PCDHGA6: variants seen among roughly 807,000 people sequenced by gnomAD.
PCDHGA6 encodes the protein protocadherin gamma-A6.
PCDHGA6 carries 41 observed loss-of-function variants against 60.6 expected under a neutral mutation model. The ratio of observed to expected loss-of-function variants is 0.68; its 90% CI spans 0.53 to 0.88. The LOEUF (loss-of-function observed/expected upper bound fraction) is 0.88. Among genes scored for constraint, PCDHGA6 ranks in the 40% least tolerant of loss-of-function variants. PCDHGA6 has a pLI of 0.00. For synonymous variants in PCDHGA6, 594 were observed against 524.4 expected (o/e 1.13, Z -1.81); for missense variants, 1,312 against 1,203.0 (o/e 1.09, Z -1.34).
In PCDHGA6 at chr5:141,485,632, G is replaced by A. The variant is rs1335265010; in HGVS notation, c.2425-9175G>A. On this transcript the variant is annotated intron_variant, in intron 1 of 3. Transcript: ENST00000517434. This position sits in a 1 kb window ranked among gnomAD's most constrained non-coding sequence, Gnocchi z 5.7. ...CAGCTCCTCCAGGACAGCGTTTCCCGTTGGAAAAGGCTCAGGATGCAGATG... is the reference window on the plus strand; with the variant it reads ...CAGCTCCTCCAGGACAGCGTTTCCCATTGGAAAAGGCTCAGGATGCAGATG... 1.2e-6 allele frequency: 2 copies of A among 1,611,766 alleles called. No homozygotes were observed. The highest frequency in any genetic ancestry group is 1.7e-6 in the Non-Finnish European group (2 of 1,178,342).
intron 1 of PCDHGA6, chr5:141,409,665 CCTACT>C (rs753951498): frequency 6.2e-7 from 1 of 1,613,576 alleles, no homozygotes; most frequent in Admixed American, 1.7e-5. Context: ...GGCCACATCT[CCTACT>C]CTATAGTGGC....
At chr5:141,499,323 GCTCT>G (rs1259902316) in intron 2 of PCDHGA6, among the ~76,000 whole-genome samples, 1 of 152,046 alleles carries the variant, frequency 6.6e-6, no homozygotes, top group East Asian at 1.9e-4. Context: ...CAGTATCCCT[GCTCT>G]CTCTCAGTTT....
intron 1 of PCDHGA6, among the ~76,000 whole-genome samples, chr5:141,437,686 G>A (rs1025629140): frequency 2.6e-5 from 4 of 151,740 alleles, no homozygotes; most frequent in African/African-American, 9.7e-5. Flanking sequence ...AACTGATGAG[G>A]CTAAATCTCA....
chr5:141,441,150 T>C (rs1421773650), intron 1 of PCDHGA6: 4 of 152,122 alleles, frequency 2.6e-5, no homozygotes, highest in African/African-American at 7.2e-5. Context: ...ATAATGACAA[T>C]ATCCTAGAGG....
chr5:141,441,609 A>G (rs922588350), intron 1 of PCDHGA6: 2 of 218,734 alleles, frequency 9.1e-6, no homozygotes, highest in South Asian at 5.5e-5. Context: ...TCCCTATTCC[A>G]TCGTGGCCAG....
intron 2 of PCDHGA6, among the ~76,000 whole-genome samples, chr5:141,502,200 C>T (rs553356132): frequency 6.6e-6 from 1 of 152,252 alleles, no homozygotes; most frequent in African/African-American, 2.4e-5. Flanking sequence ...AATATAGAAT[C>T]CACCAGCAGA....
intron 1 of PCDHGA6, chr5:141,423,965 T>C (rs911812056): frequency 8.1e-5 from 94 of 1,162,030 alleles, no homozygotes; most frequent in Admixed American, 1.3e-4. Context: ...TATTTTTCTA[T>C]TATCAGTGTA....
At chr5:141,410,005 C>T (rs1009148964) in intron 1 of PCDHGA6, 16 of 1,613,172 alleles carry the variant, frequency 9.9e-6, no homozygotes, top group Non-Finnish European at 1.3e-5. Context: ...CGGGACACAA[C>T]GCCTGGCTGT....
intron 1 of PCDHGA6, among the ~76,000 whole-genome samples, chr5:141,482,056 G>A (rs1271837619): frequency 1.3e-5 from 2 of 149,012 alleles, no homozygotes; most frequent in Non-Finnish European, 3.0e-5. Context: ...TTGCATTCCA[G>A]CCTGGGCAAC....
chr5:141,439,428 C>T (rs1191911600), intron 1 of PCDHGA6, among the ~76,000 whole-genome samples: 1 of 152,170 alleles, frequency 6.6e-6, no homozygotes, highest in Non-Finnish European at 1.5e-5. Flanking sequence ...TATAAATTCC[C>T]AGGAATATTT....
intron 1 of PCDHGA6, chr5:141,405,646 T>G: frequency 1.9e-6 from 1 of 526,208 alleles, no homozygotes; most frequent in East Asian, 3.2e-5. Flanking sequence ...GGCTAATTTT[T>G]TGTGTGTTTT....
rs1442570663 is a variant in PCDHGA6, at chr5:141,438,613, TATATATATATATATATATATATACACAC to T, written c.2425-56192_2425-56165del. On this transcript the variant is annotated intron_variant, in intron 1 of 3. Transcript: ENST00000517434. Reference sequence around the variant, plus strand: ...ATACATATATATATATATATATATATATATATATATATATATATATATACACACACACACACACATATATGTATATATA... The same window carrying T: ...ATACATATATATATATATATATATATACACACACACATATATGTATATATA... Among the ~76,000 whole-genome samples, 243 of 36,492 alleles carry T rather than the reference TATATATATATATATATATATATACACAC, an allele frequency of 6.7e-3. 7 individuals are homozygous for T. The highest frequency in any genetic ancestry group is 0.033 in the East Asian group (37 of 1,124). The allele number at this position is 36,492 out of a possible 152,430, so 23.9% of individuals were successfully genotyped here.
Position 141,420,141 on chromosome 5 carries a change from T to C in PCDHGA6, c.2424+43634T>C, listed in dbSNP as rs556066866. 9.9e-6 allele frequency: 16 copies of C among 1,614,040 alleles called. No homozygotes were observed. The East Asian group carries it at 3.3e-4, about 34-fold the overall frequency. On this transcript the variant is annotated intron_variant, in intron 1 of 3. Coordinates refer to ENST00000517434, the MANE Select transcript of PCDHGA6 (RefSeq NM_018919.3). ...AATTTTTGTGTGCCTGGGGATCAAA[T>C]GAATCCAGAATTTAATTTTTTCACA... is the stretch of plus-strand genomic sequence containing the variant.
At chr5:141,475,997 G>A in intron 1 of PCDHGA6, 2 of 1,184,406 alleles carry the variant, frequency 1.7e-6, no homozygotes, top group East Asian at 2.4e-5. Flanking sequence ...CAAATCAACG[G>A]CATCCAGAAA....
At chr5:141,408,177 G>C (rs1359754385) in intron 1 of PCDHGA6, 3 of 1,534,464 alleles carry the variant, frequency 2.0e-6, no homozygotes, top group Non-Finnish European at 2.6e-6. Context: ...GGAAAAGCGG[G>C]GACCCAGCGA....
intron 1 of PCDHGA6, chr5:141,413,387 T>A (rs902208287): frequency 1.2e-6 from 2 of 1,613,908 alleles, no homozygotes; most frequent in Non-Finnish European, 1.7e-6. Context: ...GTCCGCATAG[T>A]CTCCAGAGGT....
intron 1 of PCDHGA6, chr5:141,389,331 G>C (rs1212558688): frequency 6.2e-7 from 1 of 1,613,868 alleles, no homozygotes; most frequent in Non-Finnish European, 8.5e-7. Flanking sequence ...GGGGCCCAAC[G>C]GCCAAGTCTC....
At position 141,431,595 on chromosome 5, in the gene PCDHGA6, A is replaced by G; in HGVS notation, c.2424+55088A>G. The G allele has an allele frequency of 6.2e-7, 1 of 1,614,218 alleles. No homozygotes were observed. The highest frequency in any genetic ancestry group is 8.5e-7 in the Non-Finnish European group (1 of 1,180,034). On this transcript the variant is annotated intron_variant, in intron 1 of 3. Transcript: ENST00000517434. The surrounding 1 kb of genome is among the most constrained non-coding windows in gnomAD (Gnocchi z 4.8). Reference sequence around the variant, plus strand: ...GAAGGAGTCAATGCGGAAGTGAGGTATTCCTTCCGGTATGTGGACGACAAG... The same window carrying G: ...GAAGGAGTCAATGCGGAAGTGAGGTGTTCCTTCCGGTATGTGGACGACAAG...
intron 1 of PCDHGA6, chr5:141,423,752 G>T: frequency 6.2e-6 from 4 of 644,948 alleles, no homozygotes; most frequent in Non-Finnish European, 7.8e-6. Context: ...AAACTGTTTG[G>T]GGGGGGGGTG....
Sources: allele counts gnomAD v4.1 joint callset (sites outside exome capture counted in the v4.1 genomes callset), GRCh38; gene constraint gnomAD v4.1.1; non-coding constraint Gnocchi (gnomAD v3.1); transcripts MANE v1.5; gene names NCBI Gene and HGNC (gene_info 2026-07-23, HGNC 2026-07-21).